EYS: variants seen among roughly 807,000 people sequenced by gnomAD.
The protein encoded by EYS is protein eyes shut homolog.
EYS carries 250 observed loss-of-function variants against 282.1 expected under a neutral mutation model. The observed-to-expected ratio is 0.89, with a 90% confidence interval of 0.80 to 0.98. The LOEUF (loss-of-function observed/expected upper bound fraction) is 0.98, where lower values mean the gene tolerates loss of function less well. Ranked by LOEUF, EYS falls within the 50% of genes least tolerant of loss-of-function variation. EYS has a pLI of 0.00. For missense variants in EYS, 4,016 were observed against 3,709.0 expected (o/e 1.08, Z -2.15); for synonymous variants, 1,355 against 1,282.9 (o/e 1.06, Z -1.20).
chr6:65,295,630 G>C (rs1768639239), intron 12 of EYS: 1 of 521,104 alleles, frequency 1.9e-6, no homozygotes, highest in Admixed American at 3.4e-5. Context: ...GCTTCAGCCT[G>C]ACCTTATTAG....
At chr6:65,392,549 C>T (rs1582231849) in intron 7 of EYS, among the ~76,000 whole-genome samples, 1 of 152,164 alleles carries the variant, frequency 6.6e-6, no homozygotes, top group African/African-American at 2.4e-5. Flanking sequence ...GACATTTGTG[C>T]AGGCAAAAGA....
intron 35 of EYS, among the ~76,000 whole-genome samples, chr6:63,935,353 C>A (rs570307256): frequency 1.3e-5 from 2 of 152,326 alleles, no homozygotes; most frequent in African/African-American, 4.8e-5. Context: ...TCTTAGACAG[C>A]ACTTATCTGT....
intron 12 of EYS, among the ~76,000 whole-genome samples, chr6:65,262,465 A>G (rs368750521): frequency 6.6e-6 from 1 of 152,068 alleles, no homozygotes; most frequent in Non-Finnish European, 1.5e-5. Context: ...TTAGAAAATG[A>G]CATTTTGTTA....
intron 10 of EYS, among the ~76,000 whole-genome samples, chr6:65,343,064 G>C (rs369750133): frequency 1.3e-5 from 2 of 150,974 alleles, no homozygotes; most frequent in Non-Finnish European, 3.0e-5. Flanking sequence ...ATGTAAGAAC[G>C]TATTAAGCTT....
chr6:64,430,788 C>T (rs1461135284), intron 28 of EYS, among the ~76,000 whole-genome samples: 1 of 152,136 alleles, frequency 6.6e-6, no homozygotes, highest in African/African-American at 2.4e-5. Flanking sequence ...GTGGGATTTG[C>T]CACTTCTAGT....
chr6:65,177,943 C>A (rs751684585), intron 12 of EYS, among the ~76,000 whole-genome samples: 1 of 151,868 alleles, frequency 6.6e-6, no homozygotes, highest in African/African-American at 2.4e-5. Context: ...AGATCATTCC[C>A]AGAATTAGAT....
chr6:63,990,406 A>G (rs9450496), intron 34 of EYS, among the ~76,000 whole-genome samples: 2,041 of 151,812 alleles, frequency 0.013, 43 homozygotes, highest in African/African-American at 0.039. Context: ...TCCACTCCCC[A>G]ACATAGCATG....
At chr6:65,631,146 G>A (rs9345660) in intron 2 of EYS, among the ~76,000 whole-genome samples, 31,522 of 152,046 alleles carry the variant, frequency 0.21, 3,322 homozygotes, top group East Asian at 0.32. Flanking sequence ...GTAAAAAAGA[G>A]GATCAACCAA....
At chr6:65,336,052 C>T (rs1246258668) in intron 10 of EYS, among the ~76,000 whole-genome samples, 2 of 151,616 alleles carry the variant, frequency 1.3e-5, no homozygotes, top group African/African-American at 4.8e-5. Flanking sequence ...TGCTTGCTTC[C>T]CCTTCACTTT....
intron 1 of EYS, among the ~76,000 whole-genome samples, chr6:65,698,154 C>G (rs1479403916): frequency 1.3e-5 from 2 of 151,962 alleles, no homozygotes; most frequent in Admixed American, 1.3e-4. Flanking sequence ...GACAAAGGTG[C>G]ATCATTATAC....
At chr6:65,462,263 C>T (rs1764850633) in intron 5 of EYS, among the ~76,000 whole-genome samples, 1 of 151,986 alleles carries the variant, frequency 6.6e-6, no homozygotes, top group Non-Finnish European at 1.5e-5. Flanking sequence ...AAAAGTCAAA[C>T]TATAATGACA....
chr6:64,242,355 T>C (rs185153587), intron 30 of EYS, among the ~76,000 whole-genome samples: 26 of 152,262 alleles, frequency 1.7e-4, no homozygotes, highest in Admixed American at 1.1e-3. Context: ...GGGAATTAGA[T>C]TGATACTTTC....
chr6:64,209,344 G>A (rs1338312746), intron 31 of EYS, among the ~76,000 whole-genome samples: 2 of 151,454 alleles, frequency 1.3e-5, no homozygotes, highest in Non-Finnish European at 2.9e-5. Context: ...GTCATTTCTT[G>A]AGACTTTCTC....
chr6:64,759,065 G>A (rs1053379398), intron 22 of EYS, among the ~76,000 whole-genome samples: 10 of 152,254 alleles, frequency 6.6e-5, no homozygotes, highest in East Asian at 1.9e-4. Context: ...CGTGAACCCG[G>A]GAGGCGAAGC....
intron 31 of EYS, among the ~76,000 whole-genome samples, chr6:64,085,359 C>CAT (rs1772122008): frequency 6.6e-6 from 1 of 151,740 alleles, no homozygotes; most frequent in Non-Finnish European, 1.5e-5. Flanking sequence ...CACACACACA[C>CAT]ACACACAGTG....
chr6:64,030,320 G>A (rs910112029), intron 33 of EYS, among the ~76,000 whole-genome samples: 2 of 152,164 alleles, frequency 1.3e-5, no homozygotes, highest in Admixed American at 6.5e-5. Flanking sequence ...AAAAGCCAGG[G>A]TAAATTTCTG....
Position 65,382,691 on chromosome 6 carries a change from T to C in EYS, c.1299+1695A>G, listed in dbSNP as rs552581254. Reference sequence around the variant, plus strand: ...CAGTCTGAGTCCCAAAGCAAAGAACTTGGAGTCCAATGTTCGAGAGCAGGA... The same window carrying C: ...CAGTCTGAGTCCCAAAGCAAAGAACCTGGAGTCCAATGTTCGAGAGCAGGA... On this transcript the variant is annotated intron_variant, in intron 8 of 42. Coordinates refer to ENST00000503581, the MANE Select transcript of EYS (RefSeq NM_001142800.2). 3.2e-4 allele frequency among the ~76,000 whole-genome samples: 49 copies of C among 152,054 alleles called. No individual in the cohort carries two copies. The East Asian group carries it at 6.8e-3, about 21-fold the overall frequency.
At chr6:64,108,169 CA>C (rs1312704654) in intron 31 of EYS, among the ~76,000 whole-genome samples, 8 of 152,152 alleles carry the variant, frequency 5.3e-5, no homozygotes, top group African/African-American at 1.9e-4. Flanking sequence ...AGGGGAAACT[CA>C]AAAAAGTGTG....
chr6:64,684,619 A>G (rs1373919518), intron 22 of EYS, among the ~76,000 whole-genome samples: 4 of 151,944 alleles, frequency 2.6e-5, no homozygotes, highest in African/African-American at 9.7e-5. Flanking sequence ...ATATATATGT[A>G]TATGAGTGGA....
Sources: allele counts gnomAD v4.1 joint callset (sites outside exome capture counted in the v4.1 genomes callset), GRCh38; gene constraint gnomAD v4.1.1; transcripts MANE v1.5; gene names NCBI Gene and HGNC (gene_info 2026-07-23, HGNC 2026-07-21).